Variants in FHIT observed in about 807,000 individuals in gnomAD.
FHIT encodes the protein bis(5'-adenosyl)-triphosphatase.
Under a neutral mutation model 17.9 loss-of-function variants are expected in FHIT, and 19 were observed. The observed-to-expected ratio is 1.06, with a 90% confidence interval of 0.74 to 1.56. The LOEUF (loss-of-function observed/expected upper bound fraction) is 1.56. Among genes scored for constraint, FHIT ranks in the 40% most tolerant of loss-of-function variants. FHIT has a pLI of 0.00. For missense variants in FHIT, 248 were observed against 189.2 expected, an observed-to-expected ratio of 1.31 and a Z score of -1.82; for synonymous variants, 81 against 69.7, an observed-to-expected ratio of 1.16 and a Z score of -0.81.
chr3:60,399,043 T>C (rs536319826), intron 5 of FHIT, among the ~76,000 whole-genome samples: 40 of 152,308 alleles, frequency 2.6e-4, no homozygotes, highest in Admixed American at 1.9e-3. Flanking sequence ...AACCTATTTT[T>C]GGGCCAGATA....
chr3:61,211,714 C>T (rs1272575093), intron 1 of FHIT, among the ~76,000 whole-genome samples: 1 of 152,238 alleles, frequency 6.6e-6, no homozygotes, highest in Non-Finnish European at 1.5e-5. Context: ...CAAGTAGGTC[C>T]CTGACCCCTG....
intron 5 of FHIT, among the ~76,000 whole-genome samples, chr3:60,289,774 C>T (rs371004467): frequency 6.6e-6 from 1 of 152,108 alleles, no homozygotes; most frequent in South Asian, 2.1e-4. Context: ...GGTTTCAGAA[C>T]CGGGTATTTA....
chr3:61,249,496 T>A (rs183268394), intron 1 of FHIT, among the ~76,000 whole-genome samples: 1 of 152,148 alleles, frequency 6.6e-6, no homozygotes, highest in Non-Finnish European at 1.5e-5. Context: ...GCCAGAAAGG[T>A]TGGACTCCTC....
At chr3:60,252,394 A>C (rs1705757601) in intron 5 of FHIT, among the ~76,000 whole-genome samples, 1 of 151,936 alleles carries the variant, frequency 6.6e-6, no homozygotes, top group Non-Finnish European at 1.5e-5. Context: ...AAAATTTTAA[A>C]AATTTAAAAA....
intron 2 of FHIT, among the ~76,000 whole-genome samples, chr3:61,135,546 G>A (rs1269970844): frequency 2.6e-5 from 4 of 151,868 alleles, no homozygotes; most frequent in African/African-American, 9.7e-5. Context: ...CATTTTAAGT[G>A]TATGTCAATA....
intron 8 of FHIT, among the ~76,000 whole-genome samples, chr3:59,909,307 C>G (rs1243149410): frequency 6.6e-6 from 1 of 152,014 alleles, no homozygotes; most frequent in African/African-American, 2.4e-5. Flanking sequence ...GCTGGGATTA[C>G]TCGCATGAGC....
At chr3:60,847,160 G>A (rs1702957402) in intron 3 of FHIT, among the ~76,000 whole-genome samples, 1 of 152,258 alleles carries the variant, frequency 6.6e-6, no homozygotes, top group Admixed American at 6.5e-5. Context: ...ATCATCCACA[G>A]GGTCTGGTCC....
At chr3:60,575,549 A>G (rs1292306229) in intron 4 of FHIT, among the ~76,000 whole-genome samples, 1 of 152,174 alleles carries the variant, frequency 6.6e-6, no homozygotes, top group Non-Finnish European at 1.5e-5. Context: ...TTTTAATCAA[A>G]TAAGATTTTC....
chr3:60,524,053 C>T (rs1025716873), intron 5 of FHIT, among the ~76,000 whole-genome samples: 2 of 152,148 alleles, frequency 1.3e-5, no homozygotes, highest in African/African-American at 4.8e-5. Flanking sequence ...CAACCAGGGT[C>T]ACTCATCTAG....
intron 4 of FHIT, among the ~76,000 whole-genome samples, chr3:60,795,965 C>T (rs572042857): frequency 6.6e-6 from 1 of 152,196 alleles, no homozygotes; most frequent in African/African-American, 2.4e-5. Flanking sequence ...ATTAGACTTA[C>T]AGTTCCACAT....
At chr3:59,882,575 A>G (rs1480679247) in intron 8 of FHIT, among the ~76,000 whole-genome samples, 1 of 152,172 alleles carries the variant, frequency 6.6e-6, no homozygotes, top group African/African-American at 2.4e-5. Context: ...TCACATCCCT[A>G]CAAAGCAAAT....
At chr3:59,894,879 C>T (rs368610337) in intron 8 of FHIT, among the ~76,000 whole-genome samples, 5 of 152,328 alleles carry the variant, frequency 3.3e-5, no homozygotes, top group African/African-American at 1.2e-4. Context: ...GCTGCTTTCA[C>T]ATATTGAAAG....
intron 5 of FHIT, among the ~76,000 whole-genome samples, chr3:60,501,413 TA>T (rs2034520886): frequency 6.6e-6 from 1 of 152,202 alleles, no homozygotes; most frequent in Non-Finnish European, 1.5e-5. Context: ...TTTTTTCTTT[TA>T]AAAGATCCAA....
intron 5 of FHIT, among the ~76,000 whole-genome samples, chr3:60,293,959 A>T (rs978597487): frequency 1.1e-4 from 17 of 152,154 alleles, no homozygotes; most frequent in African/African-American, 3.9e-4. Flanking sequence ...ATTCACTAGG[A>T]GGTAAACCTA....
intron 5 of FHIT, among the ~76,000 whole-genome samples, chr3:60,370,136 G>C (rs1210766072): frequency 1.3e-5 from 2 of 152,276 alleles, no homozygotes; most frequent in Admixed American, 6.5e-5. Flanking sequence ...GTAAAAGGAA[G>C]AGCTGCTAGA....
Position 61,051,399 on chromosome 3 carries a change from G to A in FHIT, c.-163-9300C>T, listed in dbSNP as rs192380865. Among the ~76,000 whole-genome samples, 554 of 152,052 alleles carry A rather than the reference G, an allele frequency of 3.6e-3. 2 individuals are homozygous for A. The highest frequency in any genetic ancestry group is 5.9e-3 in the Non-Finnish European group (403 of 67,990). On this transcript the variant is annotated intron_variant, in intron 2 of 9. Transcript: ENST00000492590. ...CAAATAGCTGGGACTACAGGCATGC[G>A]CCACCACACCTGGCTAATTTTTGTA...
At chr3:60,460,942 C>A (rs2032422228) in intron 5 of FHIT, among the ~76,000 whole-genome samples, 1 of 152,122 alleles carries the variant, frequency 6.6e-6, no homozygotes, top group Non-Finnish European at 1.5e-5. Flanking sequence ...TCATCAGTCC[C>A]AAACTTAGGA....
intron 2 of FHIT, among the ~76,000 whole-genome samples, chr3:61,099,350 A>G (rs2035745307): frequency 6.6e-6 from 1 of 151,988 alleles, no homozygotes; most frequent in Non-Finnish European, 1.5e-5. Context: ...TTTTGCATCA[A>G]TATTCATCAA....
At chr3:59,839,806 C>A (rs1258136822) in intron 8 of FHIT, among the ~76,000 whole-genome samples, 1 of 152,288 alleles carries the variant, frequency 6.6e-6, no homozygotes, top group East Asian at 1.9e-4. Flanking sequence ...AAAAATAAAT[C>A]TATCAGGGCA....
Sources: allele counts gnomAD v4.1 joint callset (sites outside exome capture counted in the v4.1 genomes callset), GRCh38; gene constraint gnomAD v4.1.1; transcripts MANE v1.5; gene names NCBI Gene and HGNC (gene_info 2026-07-23, HGNC 2026-07-21).